The following MXD4 variants were observed in gnomAD, a reference collection of about 807,000 sequenced individuals.
MXD4 encodes the protein MAX dimerization protein 4, also known as Mad4 homolog.
In MXD4, 16 loss-of-function variants were observed where a neutral mutation model predicts 24.5. That is an observed-to-expected ratio of 0.65 (90% CI 0.44 to 0.99). The LOEUF (loss-of-function observed/expected upper bound fraction) is 0.99, where lower values mean the gene tolerates loss of function less well. Among genes scored for constraint, MXD4 ranks in the 50% least tolerant of loss-of-function variants. MXD4 has a pLI of 0.00. For missense variants in MXD4, 301 were observed against 301.5 expected (o/e 1.00, Z 0.01); for synonymous variants, 164 against 134.2 (o/e 1.22, Z -1.54).
At chr4:2,250,950 A>G in intron 5 of MXD4, 134 bp downstream of exon 5, 1 of 1,236,612 alleles carries the variant, frequency 8.1e-7, no homozygotes, top group Non-Finnish European at 1.1e-6. Flanking sequence ...AGTGACAAAC[A>G]CACACCCCAG....
rs1230391332 is a variant in MXD4, at chr4:2,261,933, C to T, written c.48G>A (p.Leu16=). 1 of 1,462,888 alleles carries T rather than the reference C, an allele frequency of 6.8e-7. No homozygotes were observed. The highest frequency in any genetic ancestry group is 2.2e-5 in the Admixed American group (1 of 45,334). 90.6% of individuals were successfully genotyped at this position (1,462,888 alleles called of 1,614,324 possible). ...GAGCGCTACCTCGATCCCTGCGCTC[C>T]AGGTACTCGGCCGCCTCCAGCAGGA... ...LLILLEAAEY[L]ERRDREAEHG... The change falls in exon 1 of 6, where the codon CTG becomes CTA. Residue 16 remains leucine (L), a synonymous_variant. Coordinates refer to ENST00000337190, the MANE Select transcript of MXD4 (RefSeq NM_006454.3).
rs1454479319 is a variant in MXD4 at position 2,250,324 on chromosome 4, C to G, written c.*220G>C. On this transcript the variant is annotated 3_prime_UTR_variant, in exon 6 of 6. Coordinates refer to ENST00000337190, the MANE Select transcript of MXD4 (RefSeq NM_006454.3). ...CAGGGCTCCGGATGTGGAAGCTGGG[C>G]CCTGCCTCCTTGCAGGGGACTCTGC... The G allele has an allele frequency of 8.1e-6, 5 of 616,434 alleles. No homozygotes were observed. The highest frequency in any genetic ancestry group is 7.4e-5 in the African/African-American group (4 of 53,900). 38.2% of individuals were successfully genotyped at this position (616,434 alleles called of 1,614,324 possible).
At chr4:2,258,945 T>A (rs751292080) in intron 2 of MXD4, 2 of 456,112 alleles carry the variant, frequency 4.4e-6, no homozygotes, top group East Asian at 7.0e-5. Context: ...TGCCACAGCA[T>A]CTGCCTGGAG....
intron 2 of MXD4, among the ~76,000 whole-genome samples, 182 bp from the exon 3 acceptor site, chr4:2,258,193 C>T (rs1464903751): frequency 6.6e-6 from 1 of 152,168 alleles, no homozygotes; most frequent in African/African-American, 2.4e-5. Flanking sequence ...GTGGGGGGAA[C>T]CACATGCTAA....
chr4:2,253,531 A>G (rs1034106886), intron 3 of MXD4: 1 of 152,228 alleles, frequency 6.6e-6, no homozygotes, highest in African/African-American at 2.4e-5. Context: ...AGGGGCAGGA[A>G]TATTTTTTGT....
At chr4:2,259,824 G>A (rs1408521296) in intron 2 of MXD4, among the ~76,000 whole-genome samples, 5 of 152,158 alleles carry the variant, frequency 3.3e-5, no homozygotes, top group Non-Finnish European at 5.9e-5. Flanking sequence ...CGTGACCCCA[G>A]GAGACAAGCA....
intron 2 of MXD4, among the ~76,000 whole-genome samples, chr4:2,260,767 G>A (rs923804617): frequency 2.6e-5 from 4 of 152,246 alleles, no homozygotes; most frequent in African/African-American, 7.2e-5. Context: ...GTGGACCACA[G>A]GAATGAGCCA....
At chr4:2,255,501 C>A in intron 3 of MXD4, 1 of 424,454 alleles carries the variant, frequency 2.4e-6, no homozygotes, top group Non-Finnish European at 4.7e-6. Context: ...CTGGAGCCAA[C>A]TCTACAGTGG....
chr4:2,247,902 G>A lies in MXD4; in HGVS notation c.*2642C>T, dbSNP rs79935055. 5,894 of 152,496 alleles carry A rather than the reference G, an allele frequency of 0.039. 138 individuals carry two copies. Among genetic ancestry groups the A allele is most frequent in the Admixed American group, 0.05 (771 of 15,310 alleles). The allele number at this position is 152,496 out of a possible 1,614,324, so 9.4% of individuals were successfully genotyped here. ...GGCGGGGGTCTGCTATGTGGTTTGC[G>A]GGGGTTATCCTGGTATGCGGGAGCT... is the stretch of plus-strand genomic sequence containing the variant. On this transcript the variant is annotated 3_prime_UTR_variant, in exon 6 of 6. Transcript: ENST00000337190.
At chr4:2,257,834 C>T in intron 3 of MXD4, 148 bp downstream of exon 3, 2 of 1,053,732 alleles carry the variant, frequency 1.9e-6, no homozygotes, top group Non-Finnish European at 1.4e-6. Context: ...GCCTTCTCCT[C>T]CAAGTCTGAC....
chr4:2,259,243 C>T (rs1034091958), intron 2 of MXD4, among the ~76,000 whole-genome samples: 2 of 152,232 alleles, frequency 1.3e-5, no homozygotes, highest in Non-Finnish European at 2.9e-5. Flanking sequence ...CCCTCCCACC[C>T]GCTGCACCAA....
At chr4:2,260,861 G>T (rs1397484609) in intron 2 of MXD4, among the ~76,000 whole-genome samples, 2 of 152,198 alleles carry the variant, frequency 1.3e-5, no homozygotes, top group Non-Finnish European at 2.9e-5. Context: ...GCCCAGACAG[G>T]ACCAGGTGTG....
rs547411304 is a variant in MXD4 at position 2,250,718 on chromosome 4, G to A, written c.473-17C>T. 3 of 1,610,702 alleles carry A rather than the reference G, an allele frequency of 1.9e-6. No homozygotes were observed. In the South Asian group the frequency reaches 3.3e-5, roughly 18 times the overall value. On this transcript the variant is annotated splice_polypyrimidine_tract_variant and intron_variant, in intron 5 of 5. Coordinates refer to ENST00000337190, the MANE Select transcript of MXD4 (RefSeq NM_006454.3). ...TGTCCACTTCTAGGGAGAATAGAGT[G>A]GGGATGGGGTCAGGCCACTCTGAGG...
At chr4:2,260,691 C>A (rs1266161914) in intron 2 of MXD4, 2 of 419,396 alleles carry the variant, frequency 4.8e-6, no homozygotes, top group Admixed American at 5.4e-5. Context: ...TCAACCAATT[C>A]CTCGCCTGGC....
rs1219845132 is a variant in MXD4, at chr4:2,258,991, G to A, written c.165-980C>T. The A allele has an allele frequency of 6.6e-6, 3 of 455,436 alleles. No homozygotes were observed. In the Admixed American group the frequency reaches 7.1e-5, roughly 11 times the overall value. The allele number at this position is 455,436 out of a possible 1,614,324, so 28.2% of individuals were successfully genotyped here. On this transcript the variant is annotated intron_variant, in intron 2 of 5. Transcript: ENST00000337190. ...CAGGGGGACCTCGCTCCCAGCTCCA[G>A]GCCACCTTCCGTGTCCAGGCAGGAC...
intron 2 of MXD4, among the ~76,000 whole-genome samples, chr4:2,259,332 C>T (rs142770212): frequency 1.2e-3 from 177 of 152,068 alleles, no homozygotes; most frequent in African/African-American, 4.1e-3. Flanking sequence ...CTGTTGGTCA[C>T]ATGGGCTGGA....
chr4:2,253,240 C>G (rs1045189254), intron 3 of MXD4: 1 of 152,294 alleles, frequency 6.6e-6, no homozygotes, highest in African/African-American at 2.4e-5. Context: ...CCTAGGCCTG[C>G]CCCTGTGGAA....
At chr4:2,255,896 T>C (rs1004402028) in intron 3 of MXD4, among the ~76,000 whole-genome samples, 1 of 152,042 alleles carries the variant, frequency 6.6e-6, no homozygotes, top group Non-Finnish European at 1.5e-5. Context: ...TGGCTGCCGC[T>C]GCCGGGGAGC....
rs542606022 is a variant in MXD4, at chr4:2,257,327, G to C, written c.194+655C>G. ...AGCGAAGGACCAGCATCCCTCAGGG[G>C]ACTCTTCCTGGTCCTGGCATGGGGG... On this transcript the variant is annotated intron_variant, in intron 3 of 5. Transcript: ENST00000337190. Among the ~76,000 whole-genome samples the C allele has an allele frequency of 2.6e-3, 393 of 152,294 alleles. 5 individuals carry two copies. Among genetic ancestry groups the C allele is most frequent in the Non-Finnish European group, 9.6e-4 (65 of 68,010 alleles).
Sources: gnomAD v4.1 joint callset for allele counts (sites outside exome capture counted in the v4.1 genomes callset) on GRCh38, gnomAD v4.1.1 for gene constraint, MANE v1.5 for transcripts, NCBI Gene and HGNC (gene_info 2026-07-23, HGNC 2026-07-21) for gene names.